ACTR3C: variants seen among roughly 807,000 people sequenced by gnomAD.
ACTR3C encodes the protein actin-related protein 3C.
A neutral mutation model predicts 26.3 loss-of-function variants in ACTR3C; 18 were observed. The ratio of observed to expected loss-of-function variants is 0.68; its 90% CI spans 0.47 to 1.01. The LOEUF (loss-of-function observed/expected upper bound fraction) is 1.01. Ranked by LOEUF, ACTR3C falls within the 50% of genes least tolerant of loss-of-function variation. The probability of loss-of-function intolerance (pLI) is 0.00; values close to 1 mark genes in which losing one functional copy is unlikely to be tolerated. For missense variants in ACTR3C, 184 were observed against 250.7 expected (o/e 0.73, Z 1.80); for synonymous variants, 55 against 94.5 (o/e 0.58, Z 2.42).
the ACTR3C span, among the ~76,000 whole-genome samples, chr7:150,191,002 C>A: frequency 6.6e-6 from 1 of 152,182 alleles, no homozygotes; most frequent in South Asian, 2.1e-4. Context: ...TTACCTCCCA[C>A]CAGGTCCCTC....
the ACTR3C span, among the ~76,000 whole-genome samples, chr7:150,015,800 C>T: frequency 6.6e-6 from 1 of 152,204 alleles, no homozygotes; most frequent in African/African-American, 2.4e-5. Flanking sequence ...TCTAATGGCA[C>T]AGGTGGTGGG....
chr7:149,976,329 C>T, the ACTR3C span, among the ~76,000 whole-genome samples: 1 of 152,114 alleles, frequency 6.6e-6, no homozygotes, highest in Non-Finnish European at 1.5e-5. Context: ...AATCCCAGCA[C>T]TTTGGGAGGC....
chr7:149,968,132 A>G, the ACTR3C span, among the ~76,000 whole-genome samples: 1 of 152,406 alleles, frequency 6.6e-6, no homozygotes, highest in Non-Finnish European at 1.5e-5. Flanking sequence ...AAGACCCAGC[A>G]GTAACAATCA....
chr7:150,045,207 G>GT, the ACTR3C span: 1 of 151,934 alleles, frequency 6.6e-6, no homozygotes, highest in Admixed American at 6.6e-5. Flanking sequence ...GTCTTTTTTT[G>GT]TTTTTGTTTT....
At chr7:150,035,519 T>C in the ACTR3C span, among the ~76,000 whole-genome samples, 2,325 of 77,886 alleles carry the variant, frequency 0.03, 14 homozygotes, top group East Asian at 0.07. Flanking sequence ...CAGTCCCCAC[T>C]CTCGTGGGGG....
the ACTR3C span, among the ~76,000 whole-genome samples, chr7:150,034,489 G>A: frequency 6.6e-6 from 1 of 151,382 alleles, no homozygotes; most frequent in Non-Finnish European, 1.5e-5. Context: ...CCCCCTTTGT[G>A]ACCTCATACA....
chr7:150,313,107 TA>T (rs1438426190), intron 1 of ACTR3C, among the ~76,000 whole-genome samples: 1 of 152,194 alleles, frequency 6.6e-6, no homozygotes, highest in Non-Finnish European at 1.5e-5. Flanking sequence ...GCTAACAATA[TA>T]TAACCACCTT....
the ACTR3C span, among the ~76,000 whole-genome samples, chr7:150,004,159 G>A: frequency 6.6e-6 from 1 of 151,852 alleles, no homozygotes; most frequent in Non-Finnish European, 1.5e-5. Context: ...TGGTGTGTGT[G>A]TGGTGTGTAT....
the ACTR3C span, among the ~76,000 whole-genome samples, chr7:150,019,631 A>ATAATAG: frequency 6.7e-6 from 1 of 148,794 alleles, no homozygotes; most frequent in Non-Finnish European, 1.5e-5. Context: ...AATAATAATA[A>ATAATAG]TAAAATCTAT....
the ACTR3C span, among the ~76,000 whole-genome samples, chr7:150,198,930 T>TG: frequency 0.021 from 1,637 of 76,560 alleles, 44 homozygotes; most frequent in African/African-American, 0.08. Flanking sequence ...GGGAGGGAGG[T>TG]GGGGGGGTCA....
the ACTR3C span, among the ~76,000 whole-genome samples, chr7:150,214,709 A>G: frequency 1.2e-4 from 18 of 152,144 alleles, no homozygotes; most frequent in Non-Finnish European, 1.8e-4. Context: ...CTTTGCACCC[A>G]CTACGGTAAT....
chr7:150,098,605 T>C, the ACTR3C span, among the ~76,000 whole-genome samples: 2 of 151,830 alleles, frequency 1.3e-5, no homozygotes, highest in South Asian at 2.1e-4. Context: ...CTCAGGAATA[T>C]ACAAAAAGCG....
the ACTR3C span, among the ~76,000 whole-genome samples, chr7:149,972,160 C>T: frequency 2.0e-5 from 3 of 152,222 alleles, no homozygotes; most frequent in Non-Finnish European, 4.4e-5. Flanking sequence ...CACACTTACC[C>T]CCATCCTCCC....
the ACTR3C span, among the ~76,000 whole-genome samples, chr7:150,224,497 AT>A: frequency 6.6e-6 from 1 of 152,200 alleles, no homozygotes; most frequent in Non-Finnish European, 1.5e-5. Context: ...TCTCACATGT[AT>A]TCAACATACA....
chr7:150,289,459 T>A lies in ACTR3C; in HGVS notation c.288A>T (p.Lys96Asn). 1 of 1,579,528 alleles carries A rather than the reference T, an allele frequency of 6.3e-7. No homozygotes were observed. The highest frequency in any genetic ancestry group is 8.6e-7 in the Non-Finnish European group (1 of 1,165,702). The change falls in exon 4 of 8, where the codon AAA (lysine) becomes AAT (asparagine). Residue 96 changes from lysine (K) to asparagine (N), a missense_variant. By Grantham distance (94) the Lys-to-Asn change is moderately conservative. Transcript: ENST00000683684. ...IPPEQSLETAKAIKEKYCYIC... is the reference protein window; with the variant it reads ...IPPEQSLETANAIKEKYCYIC... Reference sequence around the variant, plus strand: ...TCCCATCTGTTTTTACCTTAATGGCTTTTGCGGTCTCCAGTGACTGCTCAG... The same window carrying A: ...TCCCATCTGTTTTTACCTTAATGGCATTTGCGGTCTCCAGTGACTGCTCAG...
At chr7:150,068,996 A>G in the ACTR3C span, among the ~76,000 whole-genome samples, 1 of 152,164 alleles carries the variant, frequency 6.6e-6, no homozygotes, top group South Asian at 2.1e-4. Context: ...GACTCTTGAG[A>G]AGGGAATCCC....
At chr7:150,313,672 C>A (rs932221302) in intron 1 of ACTR3C, among the ~76,000 whole-genome samples, 3 of 152,044 alleles carry the variant, frequency 2.0e-5, no homozygotes, top group Non-Finnish European at 2.9e-5. Context: ...AATGCCCTGG[C>A]CAAGAGGAGG....
the ACTR3C span, among the ~76,000 whole-genome samples, chr7:150,112,737 C>G: frequency 1.3e-5 from 2 of 152,168 alleles, no homozygotes; most frequent in Admixed American, 6.6e-5. Flanking sequence ...TCTCCAGGGA[C>G]AAAGGGTAAT....
the ACTR3C span, among the ~76,000 whole-genome samples, chr7:149,901,910 C>CAAAAAAAAAAAA: frequency 1.8e-5 from 1 of 56,760 alleles, no homozygotes; most frequent in African/African-American, 7.4e-5. Flanking sequence ...GACTCTGTCT[C>CAAAAAAAAAAAA]AAAAAAAAAA....
Sources: gnomAD v4.1 joint callset for allele counts (sites outside exome capture counted in the v4.1 genomes callset) on GRCh38, gnomAD v4.1.1 for gene constraint, MANE v1.5 for transcripts, NCBI Gene and HGNC (gene_info 2026-07-23, HGNC 2026-07-21) for gene names.